The following ASAP1 variants were observed in gnomAD, a reference collection of about 807,000 sequenced individuals.
ASAP1 encodes arf-GAP with SH3 domain, ANK repeat and PH domain-containing protein 1.
Under a neutral mutation model 145.2 loss-of-function variants are expected in ASAP1, and 43 were observed. The observed-to-expected ratio is 0.30, with a 90% CI of 0.23 to 0.38. The LOEUF is 0.38. Among genes scored for constraint, ASAP1 ranks in the 10% least tolerant of loss-of-function variants. The pLI is 1.00. For missense variants in ASAP1, 1,018 were observed against 1,355.3 expected, an observed-to-expected ratio of 0.75 and a Z score of 3.91; for synonymous variants, 546 against 515.5, an observed-to-expected ratio of 1.06 and a Z score of -0.80.
At chr8:130,352,007 A>G (rs1344204044) in intron 3 of ASAP1, among the ~76,000 whole-genome samples, 1 of 152,200 alleles carries the variant, frequency 6.6e-6, no homozygotes, top group Admixed American at 6.5e-5. Flanking sequence ...GGTTTCATCC[A>G]GACAAAACCT....
At chr8:130,260,649 G>C (rs1478743268) in intron 3 of ASAP1, among the ~76,000 whole-genome samples, 1 of 151,900 alleles carries the variant, frequency 6.6e-6, no homozygotes, top group Admixed American at 6.6e-5. Context: ...ACTGGCCCAG[G>C]CTAGCAAGTA....
chr8:130,087,285 C>T (rs1402413007), intron 25 of ASAP1, among the ~76,000 whole-genome samples: 3 of 152,052 alleles, frequency 2.0e-5, no homozygotes, highest in Admixed American at 6.6e-5. Flanking sequence ...TTTGAGAGGC[C>T]GAGATGGGTG....
At chr8:130,116,631 T>A in intron 22 of ASAP1, 47 bp downstream of exon 22, 1 of 1,528,548 alleles carries the variant, frequency 6.5e-7, no homozygotes, top group Non-Finnish European at 9.0e-7. Flanking sequence ...ATGACACTTT[T>A]AAGGCAGCCA....
At chr8:130,127,384 T>G (rs1375742013) in intron 16 of ASAP1, among the ~76,000 whole-genome samples, 1 of 151,996 alleles carries the variant, frequency 6.6e-6, no homozygotes, top group South Asian at 2.1e-4. Flanking sequence ...GCCCAGCTAG[T>G]TTTTGTATTT....
intron 3 of ASAP1, among the ~76,000 whole-genome samples, chr8:130,284,992 C>T (rs1821517625): frequency 6.6e-6 from 1 of 151,926 alleles, no homozygotes; most frequent in Non-Finnish European, 1.5e-5. Context: ...AACTGGAAAA[C>T]CTCTCCCATC....
intron 28 of ASAP1, among the ~76,000 whole-genome samples, chr8:130,059,403 G>A (rs1006142788): frequency 1.3e-5 from 2 of 151,972 alleles, no homozygotes; most frequent in Non-Finnish European, 2.9e-5. Flanking sequence ...GGGCTCAAGG[G>A]AACCTCGCAC....
At chr8:130,435,560 A>T (rs921734029) in intron 1 of ASAP1, among the ~76,000 whole-genome samples, 1 of 152,196 alleles carries the variant, frequency 6.6e-6, no homozygotes, top group African/African-American at 2.4e-5. Flanking sequence ...TTCTCCAAAA[A>T]GGCAATTTTT....
chr8:130,097,677 C>T (rs1278062066), intron 24 of ASAP1, among the ~76,000 whole-genome samples: 2 of 152,210 alleles, frequency 1.3e-5, no homozygotes, highest in South Asian at 2.1e-4. Flanking sequence ...GGCAGGCCCA[C>T]GGGCAGTTTT....
intron 1 of ASAP1, among the ~76,000 whole-genome samples, chr8:130,434,140 AC>A (rs1386940357): frequency 6.6e-6 from 1 of 152,056 alleles, no homozygotes; most frequent in African/African-American, 2.4e-5. Context: ...ACACAGCAAA[AC>A]CCCATCTCTA....
chr8:130,247,689 C>G (rs894522000), intron 3 of ASAP1, among the ~76,000 whole-genome samples: 1 of 152,088 alleles, frequency 6.6e-6, no homozygotes, highest in Non-Finnish European at 1.5e-5. Flanking sequence ...TGGGGTTGTG[C>G]CACCCAAGCA....
At chr8:130,149,752 C>T (rs1354266809) in intron 13 of ASAP1, among the ~76,000 whole-genome samples, 2 of 152,092 alleles carry the variant, frequency 1.3e-5, no homozygotes, top group African/African-American at 2.4e-5. Flanking sequence ...CAATCTAATT[C>T]TAATCAATGG....
chr8:130,278,863 T>C (rs1210825638), intron 3 of ASAP1, among the ~76,000 whole-genome samples: 1 of 152,188 alleles, frequency 6.6e-6, no homozygotes, highest in East Asian at 1.9e-4. Context: ...CCTCTTACTT[T>C]TAAGTCTTTT....
At chr8:130,307,261 G>A (rs977292226) in intron 3 of ASAP1, among the ~76,000 whole-genome samples, 4 of 150,720 alleles carry the variant, frequency 2.7e-5, no homozygotes, top group African/African-American at 9.7e-5. Flanking sequence ...AACAGTAAGT[G>A]CTCCATTTGA....
At chr8:130,327,906 A>G (rs1824439928) in intron 3 of ASAP1, among the ~76,000 whole-genome samples, 1 of 152,218 alleles carries the variant, frequency 6.6e-6, no homozygotes, top group African/African-American at 2.4e-5. Context: ...GCACCAATAA[A>G]GCTATTTTTT....
rs568779041 is a variant in ASAP1, at chr8:130,367,141, C to T, written c.60-8998G>A. Among the ~76,000 whole-genome samples the T allele has an allele frequency of 2.0e-4, 31 of 152,052 alleles. No individual in the cohort carries two copies. The South Asian group carries it at 6.2e-3, about 31-fold the overall frequency. On this transcript the variant is annotated intron_variant, in intron 2 of 29. Transcript: ENST00000518721. ...TCTTGACCTCATGATCTGCCTGTCT[C>T]GGCCTCCCAAAGTGCTGGGATTACA... is the stretch of plus-strand genomic sequence containing the variant.
intron 1 of ASAP1, among the ~76,000 whole-genome samples, chr8:130,442,521 T>C (rs1014889464): frequency 6.6e-6 from 1 of 152,196 alleles, no homozygotes; most frequent in African/African-American, 2.4e-5. Flanking sequence ...GATAAGCTTT[T>C]ACAATCCCAA....
chr8:130,206,701 C>G (rs1816249001), intron 5 of ASAP1, among the ~76,000 whole-genome samples: 2 of 152,204 alleles, frequency 1.3e-5, no homozygotes, highest in African/African-American at 4.8e-5. Flanking sequence ...GTGACTCCCA[C>G]TATTTAAAAA....
intron 3 of ASAP1, among the ~76,000 whole-genome samples, chr8:130,311,496 T>C (rs1823339089): frequency 1.3e-5 from 2 of 152,200 alleles, no homozygotes; most frequent in South Asian, 2.1e-4. Flanking sequence ...GTGTGGTGGC[T>C]CACGCCTGTA....
chr8:130,213,708 T>C (rs751650247), intron 5 of ASAP1, among the ~76,000 whole-genome samples: 2 of 152,214 alleles, frequency 1.3e-5, no homozygotes, highest in Non-Finnish European at 2.9e-5. Flanking sequence ...ATTGTACTCC[T>C]TTCTCTGGGG....
Sources: allele counts gnomAD v4.1 joint callset (sites outside exome capture counted in the v4.1 genomes callset), GRCh38; gene constraint gnomAD v4.1.1; transcripts MANE v1.5; gene names NCBI Gene and HGNC (gene_info 2026-07-23, HGNC 2026-07-21).